Variants in PSD3 observed in about 807,000 individuals in gnomAD.
The protein encoded by PSD3 is PH and SEC7 domain-containing protein 3.
Under a neutral mutation model 105.5 loss-of-function variants are expected in PSD3, and 49 were observed. That is an observed-to-expected ratio of 0.46 (90% CI 0.37 to 0.59). The LOEUF (loss-of-function observed/expected upper bound fraction) is 0.59, where lower values mean the gene tolerates loss of function less well. Among genes scored for constraint, PSD3 ranks in the 20% least tolerant of loss-of-function variants. PSD3 has a pLI of 0.00. For missense variants in PSD3, 1,561 were observed against 1,263.8 expected (o/e 1.24, Z -3.57); for synonymous variants, 557 against 457.8 (o/e 1.22, Z -2.77).
chr8:19,056,256 G>A (rs1828706743), intron 1 of PSD3, among the ~76,000 whole-genome samples: 1 of 152,152 alleles, frequency 6.6e-6, no homozygotes, highest in South Asian at 2.1e-4. Context: ...TGGCCTCCAG[G>A]CAGTTAATGG....
rs545864599 is a variant in PSD3 at position 19,053,596 on chromosome 8, C to T, written c.324+30610G>A. ...GCCGGATCACTTGAGGCCAGGAGTT[C>T]GAGACCAACATGAGGAAACCCCGTC... is the stretch of plus-strand genomic sequence containing the variant. On this transcript the variant is annotated intron_variant, in intron 1 of 1. Coordinates refer to the PSD3 transcript ENST00000521475. 1.4e-3 allele frequency among the ~76,000 whole-genome samples: 208 copies of T among 152,110 alleles called. 1 individual carries two copies. The highest frequency in any genetic ancestry group is 4.7e-3 in the African/African-American group (196 of 41,498).
intron 4 of PSD3, chr8:18,854,522 G>C (rs1413572610): frequency 6.6e-6 from 1 of 152,220 alleles, no homozygotes; most frequent in African/African-American, 2.4e-5. Flanking sequence ...GCCGTTTAAG[G>C]GAAAGGAGAC....
chr8:18,641,647 A>G (rs376514841), intron 10 of PSD3, among the ~76,000 whole-genome samples: 2 of 152,194 alleles, frequency 1.3e-5, no homozygotes, highest in South Asian at 2.1e-4. Context: ...TAAAATTGGT[A>G]CACTTAAGTG....
chr8:18,810,505 G>A (rs1006326722), intron 4 of PSD3, among the ~76,000 whole-genome samples: 13 of 151,940 alleles, frequency 8.6e-5, no homozygotes, highest in African/African-American at 2.7e-4. Context: ...ACTATTGCCC[G>A]TTTCATACAG....
At chr8:18,740,804 T>C (rs1396667031) in intron 9 of PSD3, among the ~76,000 whole-genome samples, 7 of 152,162 alleles carry the variant, frequency 4.6e-5, no homozygotes, top group Non-Finnish European at 7.3e-5. Flanking sequence ...CTCCTAGTCC[T>C]CCTAATGTCC....
At chr8:18,632,893 T>A in intron 10 of PSD3, 87 bp from the exon 11 acceptor site, 1 of 1,040,548 alleles carries the variant, frequency 9.6e-7, no homozygotes, top group Non-Finnish European at 1.4e-6. Flanking sequence ...AACTACATTG[T>A]ATTCCAATGG....
chr8:18,928,156 C>T (rs956674184), intron 2 of PSD3, among the ~76,000 whole-genome samples: 4 of 152,174 alleles, frequency 2.6e-5, no homozygotes, highest in Non-Finnish European at 4.4e-5. Flanking sequence ...ATAATCCCCA[C>T]GTGTCAAGGG....
chr8:18,949,241 AAAAATATATATATAT>A (rs1306809378), intron 1 of PSD3, among the ~76,000 whole-genome samples: 5 of 72,142 alleles, frequency 6.9e-5, no homozygotes, highest in African/African-American at 2.4e-4. Flanking sequence ...AAAAAAAAAA[AAAAATATATATATAT>A]ATATATATAT....
At chr8:18,951,404 GA>G (rs1294624016) in intron 1 of PSD3, among the ~76,000 whole-genome samples, 2 of 151,756 alleles carry the variant, frequency 1.3e-5, no homozygotes, top group Non-Finnish European at 2.9e-5. Flanking sequence ...CCTGTCTCAA[GA>G]AAACAAAAAA....
intron 1 of PSD3, chr8:19,001,713 C>T (rs1826410102): frequency 6.6e-6 from 1 of 152,566 alleles, no homozygotes; most frequent in South Asian, 2.1e-4. Flanking sequence ...AAGCTCCAGC[C>T]TCAGCCTTGG....
At chr8:18,602,857 A>G (rs1804534458) in intron 11 of PSD3, among the ~76,000 whole-genome samples, 1 of 152,198 alleles carries the variant, frequency 6.6e-6, no homozygotes, top group Admixed American at 6.5e-5. Context: ...CTGGATGCTA[A>G]TGAATGACAA....
rs115097388 is a variant in PSD3 at position 18,951,492 on chromosome 8, C to T, written c.22-15350G>A. Among the ~76,000 whole-genome samples the T allele has an allele frequency of 2.6e-3, 402 of 152,270 alleles. 2 individuals are homozygous for T. Among genetic ancestry groups the T allele is most frequent in the African/African-American group, 9.2e-3 (384 of 41,532 alleles). On this transcript the variant is annotated intron_variant, in intron 1 of 15. Transcript: ENST00000327040. ...ACCCAATCCTCTAGGGCCACAGCCACCATTCCTACAACACAAACCACAACC... is the reference window on the plus strand; with the variant it reads ...ACCCAATCCTCTAGGGCCACAGCCATCATTCCTACAACACAAACCACAACC...
intron 1 of PSD3, among the ~76,000 whole-genome samples, chr8:19,023,050 C>T (rs1012663754): frequency 6.6e-6 from 1 of 152,040 alleles, no homozygotes; most frequent in African/African-American, 2.4e-5. Context: ...GATATATGTG[C>T]TCATAGGATA....
intron 11 of PSD3, among the ~76,000 whole-genome samples, chr8:18,614,329 C>G (rs1328639705): frequency 6.6e-6 from 1 of 151,178 alleles, no homozygotes; most frequent in Non-Finnish European, 1.5e-5. Flanking sequence ...AGATTAACCC[C>G]TTCTCCCCCA....
At chr8:18,579,238 A>T (rs1298240226) in intron 12 of PSD3, among the ~76,000 whole-genome samples, 1 of 152,114 alleles carries the variant, frequency 6.6e-6, no homozygotes, top group Non-Finnish European at 1.5e-5. Context: ...TTTTTCACTA[A>T]AGGAGAGGAT....
At chr8:18,664,775 G>A (rs950208670) in intron 9 of PSD3, among the ~76,000 whole-genome samples, 2 of 152,138 alleles carry the variant, frequency 1.3e-5, no homozygotes, top group Non-Finnish European at 2.9e-5. Context: ...CTCTTCTTAG[G>A]GGCAATGGGG....
chr8:19,032,832 T>C (rs1405825274), intron 1 of PSD3, among the ~76,000 whole-genome samples: 1 of 152,128 alleles, frequency 6.6e-6, no homozygotes, highest in Non-Finnish European at 1.5e-5. Context: ...TTTTTGTGAA[T>C]ATAAGTTGAA....
chr8:18,816,866 A>G (rs1043390337), intron 4 of PSD3, among the ~76,000 whole-genome samples: 3 of 151,924 alleles, frequency 2.0e-5, no homozygotes, highest in African/African-American at 4.8e-5. Flanking sequence ...AGTGACATTC[A>G]TAAGTGCCTT....
At chr8:19,025,095 G>T (rs143116156) in intron 1 of PSD3, among the ~76,000 whole-genome samples, 1 of 152,284 alleles carries the variant, frequency 6.6e-6, no homozygotes, top group African/African-American at 2.4e-5. Context: ...ATAAGACCCT[G>T]AAAAGCAGGA....
Sources: gnomAD v4.1 joint callset for allele counts (sites outside exome capture counted in the v4.1 genomes callset) on GRCh38, gnomAD v4.1.1 for gene constraint, MANE v1.5 for transcripts, NCBI Gene and HGNC (gene_info 2026-07-23, HGNC 2026-07-21) for gene names.